The following AGTPBP1 variants were observed in gnomAD, a reference collection of about 807,000 sequenced individuals.
AGTPBP1 encodes the protein cytosolic carboxypeptidase 1.
AGTPBP1 carries 70 observed loss-of-function variants against 143.9 expected under a neutral mutation model. The ratio of observed to expected loss-of-function variants is 0.49; its 90% confidence interval spans 0.40 to 0.59. The LOEUF is 0.59. Ranked by LOEUF, AGTPBP1 falls within the 20% of genes least tolerant of loss-of-function variation. The pLI is 0.00. For missense variants in AGTPBP1, 1,229 were observed against 1,464.5 expected, an observed-to-expected ratio of 0.84 and a Z score of 2.62; for synonymous variants, 463 against 500.2, an observed-to-expected ratio of 0.93 and a Z score of 0.99.
At chr9:85,606,480 T>C (rs1587725056) in intron 17 of AGTPBP1, among the ~76,000 whole-genome samples, 1 of 151,024 alleles carries the variant, frequency 6.6e-6, no homozygotes, top group Non-Finnish European at 1.5e-5. Context: ...GTAGTCACTA[T>C]GGAAAACAGT....
chr9:85,706,527 G>GAAAGA lies in AGTPBP1; in HGVS notation c.32+5970_32+5974dup, dbSNP rs1837014485. On this transcript the variant is annotated intron_variant, in intron 2 of 25. Transcript: ENST00000357081. ...TCTGTCTCAAAAAAAAAAAAAAAAA[G>GAAAGA]AAAGAAAAGAAAAGAAATAGTAAGA... Among the ~76,000 whole-genome samples, 4 of 139,160 alleles carry GAAAGA rather than the reference G, an allele frequency of 2.9e-5. No homozygotes were observed. The Admixed American group carries it at 2.9e-4, about 10-fold the overall frequency. 91.3% of individuals were successfully genotyped at this position (139,160 alleles called of 152,430 possible).
chr9:85,718,111 C>T lies in AGTPBP1; in HGVS notation c.-33-5545G>A, dbSNP rs143243399. 6.3e-4 allele frequency among the ~76,000 whole-genome samples: 96 copies of T among 152,272 alleles called. 1 individual carries two copies. The highest frequency in any genetic ancestry group is 3.3e-3 in the South Asian group (16 of 4,822). ...CATATGGGTTGGTTCCAAGTCTTTG[C>T]TATTGTGAATGGTGCCATAATAAAC... On this transcript the variant is annotated intron_variant, in intron 1 of 25. Coordinates refer to ENST00000357081, the MANE Select transcript of AGTPBP1 (RefSeq NM_001330701.2).
In AGTPBP1 at chr9:85,610,303, T is replaced by TG. The variant is rs546264374; in HGVS notation, c.2335+8679dup. Among the ~76,000 whole-genome samples the TG allele has an allele frequency of 6.6e-3, 1,005 of 151,490 alleles. 6 individuals carry two copies. The highest frequency in any genetic ancestry group is 0.012 in the Non-Finnish European group (812 of 67,816). On this transcript the variant is annotated intron_variant, in intron 17 of 25. Transcript: ENST00000357081. ...ATTTCAGCAAATCCCTTCCAAGTAA[T>TG]GGGGGGGTAAGAGGGGGTGATGGAT...
intron 3 of AGTPBP1, among the ~76,000 whole-genome samples, chr9:85,684,412 C>T (rs75273026): frequency 0.012 from 1,752 of 152,234 alleles, 13 homozygotes; most frequent in Admixed American, 0.018. Context: ...TCCTTTCTAC[C>T]TTCTTATGAA....
the AGTPBP1 span, among the ~76,000 whole-genome samples, chr9:85,754,500 A>G: frequency 6.6e-6 from 1 of 152,204 alleles, no homozygotes; most frequent in South Asian, 2.1e-4. Flanking sequence ...GTATATTTCT[A>G]AAAATCAGAA....
At chr9:85,681,150 T>G (rs947683622) in intron 4 of AGTPBP1, 118 bp downstream of exon 4, 4 of 850,828 alleles carry the variant, frequency 4.7e-6, no homozygotes, top group South Asian at 1.6e-5. Context: ...TACGTGTGTG[T>G]GTATATATGT....
intron 17 of AGTPBP1, among the ~76,000 whole-genome samples, chr9:85,605,101 A>C (rs534869120): frequency 1.4e-4 from 22 of 152,192 alleles, no homozygotes; most frequent in Non-Finnish European, 2.6e-4. Context: ...GAACTTTCCA[A>C]ACCTAGAGAA....
At chr9:85,721,490 CTT>C (rs56681803) in intron 1 of AGTPBP1, among the ~76,000 whole-genome samples, 6,839 of 133,170 alleles carry the variant, frequency 0.051, 488 homozygotes, top group African/African-American at 0.18. Flanking sequence ...GCAACCCCTG[CTT>C]TTTTTTTTTT....
At chr9:85,792,415 C>G in the AGTPBP1 span, among the ~76,000 whole-genome samples, 12 of 152,326 alleles carry the variant, frequency 7.9e-5, 1 homozygote, top group Middle Eastern at 3.4e-3. Flanking sequence ...AGGAGTTAAT[C>G]TCCTTTTGAA....
intron 3 of AGTPBP1, among the ~76,000 whole-genome samples, chr9:85,688,714 T>C (rs115836809): frequency 0.017 from 2,594 of 152,320 alleles, 38 homozygotes; most frequent in Middle Eastern, 0.038. Context: ...TCACTGTACA[T>C]AAGTAGTTAA....
At chr9:85,781,159 A>G in the AGTPBP1 span, 1 of 1,465,830 alleles carries the variant, frequency 6.8e-7, no homozygotes, top group Non-Finnish European at 9.0e-7. Flanking sequence ...ATTTTGCATC[A>G]TTTATTTAAA....
At chr9:85,799,103 T>C in the AGTPBP1 span, among the ~76,000 whole-genome samples, 1 of 152,162 alleles carries the variant, frequency 6.6e-6, no homozygotes, top group Admixed American at 6.5e-5. Context: ...GTCCTTGTGA[T>C]AGTTTGCTGA....
chr9:85,634,865 T>C (rs1048412193), intron 13 of AGTPBP1, among the ~76,000 whole-genome samples: 3 of 152,158 alleles, frequency 2.0e-5, no homozygotes, highest in Non-Finnish European at 4.4e-5. Context: ...CCAAAAACAC[T>C]TGTATTAATG....
chr9:85,687,064 A>G (rs2134212377), intron 3 of AGTPBP1, among the ~76,000 whole-genome samples: 1 of 152,310 alleles, frequency 6.6e-6, no homozygotes, highest in East Asian at 1.9e-4. Flanking sequence ...GCAAAGAGTA[A>G]TAATCATTCG....
intron 1 of AGTPBP1, among the ~76,000 whole-genome samples, chr9:85,740,137 A>G (rs1009782704): frequency 6.6e-6 from 1 of 152,374 alleles, no homozygotes; most frequent in East Asian, 1.9e-4. Context: ...GAATGCCTCA[A>G]TTCGGAAAAG....
At chr9:85,753,427 A>C in the AGTPBP1 span, 6 of 1,613,476 alleles carry the variant, frequency 3.7e-6, no homozygotes, top group Non-Finnish European at 5.1e-6. Context: ...CAGGTTTGTC[A>C]ATTCTATTTA....
In AGTPBP1 at chr9:85,562,013, GT is replaced by G. The variant is rs377370773; in HGVS notation, c.3503+13301del. ...CGCCCAGCTAATTTTCATATTTTTA[GT>G]AGAGATGGGGTTTCACCATCTTGGC... is the stretch of plus-strand genomic sequence containing the variant. On this transcript the variant is annotated intron_variant, in intron 25 of 25. Coordinates refer to ENST00000357081, the MANE Select transcript of AGTPBP1 (RefSeq NM_001330701.2). Among the ~76,000 whole-genome samples, 188 of 151,980 alleles carry G rather than the reference GT, an allele frequency of 1.2e-3. 1 individual carries two copies. Among genetic ancestry groups the G allele is most frequent in the African/African-American group, 4.1e-3 (172 of 41,446 alleles).
chr9:85,769,789 G>A, the AGTPBP1 span, among the ~76,000 whole-genome samples: 1 of 151,852 alleles, frequency 6.6e-6, no homozygotes. Flanking sequence ...GCAGTATATT[G>A]TTTTGATAGA....
At chr9:85,706,234 C>T (rs896779841) in intron 2 of AGTPBP1, among the ~76,000 whole-genome samples, 4 of 151,426 alleles carry the variant, frequency 2.6e-5, no homozygotes, top group African/African-American at 7.3e-5. Context: ...ATAAATAGGC[C>T]AGGCACAATG....
Sources: allele counts gnomAD v4.1 joint callset (sites outside exome capture counted in the v4.1 genomes callset), GRCh38; gene constraint gnomAD v4.1.1; transcripts MANE v1.5; gene names NCBI Gene and HGNC (gene_info 2026-07-23, HGNC 2026-07-21).